SORCS2: variants seen among roughly 807,000 people sequenced by gnomAD.
SORCS2 encodes sortilin related VPS10 domain containing receptor 2.
Under a neutral mutation model 141.6 loss-of-function variants are expected in SORCS2, and 100 were observed. The observed-to-expected ratio is 0.71, with a 90% CI of 0.60 to 0.83. The LOEUF is 0.83. Among genes scored for constraint, SORCS2 ranks in the 40% least tolerant of loss-of-function variants. The pLI is 0.00. For synonymous variants in SORCS2, 789 were observed against 676.9 expected (o/e 1.17, Z -2.57); for missense variants, 1,646 against 1,560.2 (o/e 1.05, Z -0.93).
chr4:7,464,375 G>A lies in SORCS2; in HGVS notation c.549-67155G>A, dbSNP rs56907377. On this transcript the variant is annotated intron_variant, in intron 2 of 26. Coordinates refer to ENST00000507866, the MANE Select transcript of SORCS2 (RefSeq NM_020777.3). ...GAATGCACTCTAGGAGAGGCTGCCC[G>A]AGCTCTGGATGCCCTGAGGGAGGGG... Among the ~76,000 whole-genome samples the A allele has an allele frequency of 8.7e-3, 1,326 of 152,220 alleles. 21 individuals are homozygous for A. The highest frequency in any genetic ancestry group is 0.03 in the African/African-American group (1,262 of 41,514).
At chr4:7,674,113 C>T (rs1458834897) in intron 8 of SORCS2, among the ~76,000 whole-genome samples, 1 of 152,126 alleles carries the variant, frequency 6.6e-6, no homozygotes, top group Admixed American at 6.5e-5. Context: ...CATGGTCCCA[C>T]TTCACACATG....
At chr4:7,398,696 A>G (rs1176289613) in intron 2 of SORCS2, among the ~76,000 whole-genome samples, 1 of 152,154 alleles carries the variant, frequency 6.6e-6, no homozygotes, top group Non-Finnish European at 1.5e-5. Context: ...TTTTTAAAAT[A>G]TGTTTCTAGT....
At chr4:7,611,857 C>G (rs1577838373) in intron 3 of SORCS2, among the ~76,000 whole-genome samples, 1 of 152,356 alleles carries the variant, frequency 6.6e-6, no homozygotes, top group Non-Finnish European at 1.5e-5. Flanking sequence ...AGGCCATAGG[C>G]CTGCAAAGCT....
At chr4:7,365,825 C>A (rs376176838) in intron 1 of SORCS2, among the ~76,000 whole-genome samples, 1 of 152,190 alleles carries the variant, frequency 6.6e-6, no homozygotes, top group Admixed American at 6.5e-5. Flanking sequence ...GAGCCAGGCA[C>A]CTTCTTTGCA....
rs527878001 is a variant in SORCS2, at chr4:7,255,971, G to A, written c.480+62845G>A. Reference sequence around the variant, plus strand: ...GAGCGTGGGGCCCTGGGGCTGGAGCGTGGGGACCCGGGATTGGTGCATGGG... The same window carrying A: ...GAGCGTGGGGCCCTGGGGCTGGAGCATGGGGACCCGGGATTGGTGCATGGG... On this transcript the variant is annotated intron_variant, in intron 1 of 26. Coordinates refer to ENST00000507866, the MANE Select transcript of SORCS2 (RefSeq NM_020777.3). 3.3e-5 allele frequency among the ~76,000 whole-genome samples: 5 copies of A among 149,336 alleles called. No individual in the cohort carries two copies. In the South Asian group the frequency reaches 1.1e-3, roughly 33 times the overall value.
intron 3 of SORCS2, among the ~76,000 whole-genome samples, chr4:7,558,912 C>T (rs189346367): frequency 5.7e-4 from 87 of 152,366 alleles, no homozygotes; most frequent in African/African-American, 1.9e-3. Context: ...GGCTAACCTC[C>T]GAGGACCTTT....
intron 2 of SORCS2, among the ~76,000 whole-genome samples, chr4:7,478,366 T>C (rs1730428840): frequency 1.3e-5 from 2 of 152,044 alleles, no homozygotes; most frequent in South Asian, 4.2e-4. Context: ...AAATGTGCCT[T>C]CCAGGTGAGG....
intron 2 of SORCS2, among the ~76,000 whole-genome samples, chr4:7,453,718 C>CTG (rs1352319346): frequency 8.5e-6 from 1 of 118,132 alleles, no homozygotes; most frequent in Admixed American, 9.1e-5. Flanking sequence ...GGGTCAGGCA[C>CTG]TGTGTTGGGG....
chr4:7,498,811 C>G (rs976528582), intron 2 of SORCS2, among the ~76,000 whole-genome samples: 1 of 152,252 alleles, frequency 6.6e-6, no homozygotes, highest in Admixed American at 6.5e-5. Flanking sequence ...CTGGCCCTCC[C>G]TCTGCGGGTG....
intron 5 of SORCS2, among the ~76,000 whole-genome samples, chr4:7,661,232 T>C (rs6821916): frequency 0.021 from 2,571 of 124,222 alleles, 121 homozygotes; most frequent in South Asian, 0.049. Context: ...TCAGCTCACG[T>C]AAGGAAGATG....
intron 2 of SORCS2, among the ~76,000 whole-genome samples, chr4:7,486,750 C>T (rs1731014025): frequency 6.6e-6 from 1 of 152,172 alleles, no homozygotes; most frequent in African/African-American, 2.4e-5. Context: ...GGTGTGCGTG[C>T]CCCCAGCCTC....
intron 2 of SORCS2, among the ~76,000 whole-genome samples, chr4:7,440,746 G>A (rs1727609810): frequency 6.6e-6 from 1 of 152,306 alleles, no homozygotes; most frequent in South Asian, 2.1e-4. Flanking sequence ...TCTCCTGGGG[G>A]ACCCTCCTGT....
chr4:7,637,028 C>G (rs1391853211), intron 3 of SORCS2, among the ~76,000 whole-genome samples: 1 of 152,164 alleles, frequency 6.6e-6, no homozygotes, highest in East Asian at 1.9e-4. Context: ...GTTGCCTTCT[C>G]TCTGCGTCCC....
At chr4:7,682,082 A>T (rs1344838950) in intron 9 of SORCS2, among the ~76,000 whole-genome samples, 1 of 152,236 alleles carries the variant, frequency 6.6e-6, no homozygotes, top group Non-Finnish European at 1.5e-5. Context: ...AGTTGCTGAT[A>T]GTTGCACGTT....
chr4:7,424,475 T>G (rs1463022446), intron 2 of SORCS2, among the ~76,000 whole-genome samples: 1 of 152,118 alleles, frequency 6.6e-6, no homozygotes, highest in East Asian at 1.9e-4. Flanking sequence ...GGCTATAAAA[T>G]CCGGGTCCAC....
intron 1 of SORCS2, among the ~76,000 whole-genome samples, chr4:7,312,341 C>G (rs1000934089): frequency 6.6e-6 from 1 of 152,232 alleles, no homozygotes. Flanking sequence ...CTGAGAAGCT[C>G]CCACTCCGGT....
chr4:7,275,848 T>C (rs990393746), intron 1 of SORCS2, among the ~76,000 whole-genome samples: 3 of 152,202 alleles, frequency 2.0e-5, no homozygotes, highest in Middle Eastern at 3.2e-3. Context: ...TCCTGTCTCA[T>C]TTATTCAACC....
intron 1 of SORCS2, among the ~76,000 whole-genome samples, chr4:7,320,503 T>G (rs1280875912): frequency 1.3e-5 from 2 of 152,246 alleles, no homozygotes; most frequent in East Asian, 3.8e-4. Flanking sequence ...ACATTTTACT[T>G]TGAGGACACA....
At chr4:7,436,751 A>T (rs1727329683) in intron 2 of SORCS2, among the ~76,000 whole-genome samples, 1 of 152,066 alleles carries the variant, frequency 6.6e-6, no homozygotes, top group African/African-American at 2.4e-5. Context: ...GGATTTGTCT[A>T]CTCGACCCTT....
Sources: gnomAD v4.1 joint callset for allele counts (sites outside exome capture counted in the v4.1 genomes callset) on GRCh38, gnomAD v4.1.1 for gene constraint, MANE v1.5 for transcripts, NCBI Gene and HGNC (gene_info 2026-07-23, HGNC 2026-07-21) for gene names.